The following RBFOX1 variants were observed in gnomAD, a reference collection of about 807,000 sequenced individuals.
RBFOX1 encodes the protein RNA binding fox-1 homolog 1, also known as RNA binding protein fox-1 homolog 1.
RBFOX1 carries 8 observed loss-of-function variants against 57.7 expected under a neutral mutation model. The observed-to-expected ratio is 0.14, with a 90% CI of 0.08 to 0.25. The LOEUF (loss-of-function observed/expected upper bound fraction) is 0.25, where lower values mean the gene tolerates loss of function less well. Among genes scored for constraint, RBFOX1 ranks in the 10% least tolerant of loss-of-function variants. The probability of loss-of-function intolerance (pLI) is 1.00; values close to 1 mark genes in which losing one functional copy is unlikely to be tolerated. For synonymous variants in RBFOX1, 326 were observed against 222.4 expected (o/e 1.47, Z -4.15); for missense variants, 611 against 548.5 (o/e 1.11, Z -1.14).
At chr16:7,179,551 C>T (rs2082293139) in intron 4 of RBFOX1, among the ~76,000 whole-genome samples, 1 of 151,922 alleles carries the variant, frequency 6.6e-6, no homozygotes, top group African/African-American at 2.4e-5. Flanking sequence ...GTTGGCATTT[C>T]CATTTTGTCA....
chr16:6,502,859 C>A (rs950822690), intron 2 of RBFOX1, among the ~76,000 whole-genome samples: 4 of 152,114 alleles, frequency 2.6e-5, no homozygotes, highest in African/African-American at 9.7e-5. Flanking sequence ...CAAATACTAA[C>A]TGGGGTTATG....
intron 3 of RBFOX1, among the ~76,000 whole-genome samples, chr16:6,896,601 C>T (rs533693874): frequency 2.0e-5 from 3 of 152,304 alleles, no homozygotes; most frequent in South Asian, 4.1e-4. Flanking sequence ...GAGAGGATCT[C>T]ATCCTCTGCT....
chr16:7,516,285 T>C (rs905271558), intron 4 of RBFOX1, among the ~76,000 whole-genome samples: 2 of 152,064 alleles, frequency 1.3e-5, no homozygotes, highest in African/African-American at 2.4e-5. Context: ...CTTAACGCAC[T>C]AACGGACTCA....
In RBFOX1 at chr16:6,582,033, T is replaced by C. The variant is rs553035291; in HGVS notation, c.-63-72570T>C. On this transcript the variant is annotated intron_variant, in intron 2 of 15. Transcript: ENST00000550418. ...ATCTAGTGGGAAAAGCCAGGGGTGC[T>C]GTACTGCTGCACATCTAACAAGGCA... Among the ~76,000 whole-genome samples the C allele has an allele frequency of 2.0e-3, 303 of 152,314 alleles. 2 individuals are homozygous for C. Among genetic ancestry groups the C allele is most frequent in the Non-Finnish European group, 3.1e-3 (214 of 68,034 alleles).
At chr16:5,336,713 G>T (rs1692460692) in intron 1 of RBFOX1, among the ~76,000 whole-genome samples, 1 of 152,188 alleles carries the variant, frequency 6.6e-6, no homozygotes, top group African/African-American at 2.4e-5. Context: ...GGGTTTAGTT[G>T]TCTTTAGAAG....
chr16:6,630,251 TCTC>T lies in RBFOX1; in HGVS notation c.-63-24349_-63-24347del, dbSNP rs566850464. Among the ~76,000 whole-genome samples, 4 of 152,242 alleles carry T rather than the reference TCTC, an allele frequency of 2.6e-5. No individual in the cohort carries two copies. In the East Asian group the frequency reaches 7.7e-4, roughly 29 times the overall value. On this transcript the variant is annotated intron_variant, in intron 2 of 15. Transcript: ENST00000550418. ...ATGGAAGATGCTTCTTCATCCTTCT[TCTC>T]CTGCCTTTTTCTCTTCTGCCCACAC...
In RBFOX1 at chr16:5,590,741, G is replaced by A. The variant is rs559906298; in HGVS notation, c.259-8161G>A. ...GGGTTTAATGTTCGCAGATGCTTCAGCTCACACAGATCAGTGGGATTTGCC... is the reference window on the plus strand; with the variant it reads ...GGGTTTAATGTTCGCAGATGCTTCAACTCACACAGATCAGTGGGATTTGCC... On this transcript the variant is annotated intron_variant, in intron 2 of 2. Transcript: ENST00000585867. Among the ~76,000 whole-genome samples, 4 of 152,324 alleles carry A rather than the reference G, an allele frequency of 2.6e-5. No homozygotes were observed. In the South Asian group the frequency reaches 8.3e-4, roughly 32 times the overall value.
At chr16:6,996,129 T>C (rs1016818812) in intron 3 of RBFOX1, among the ~76,000 whole-genome samples, 36 of 152,236 alleles carry the variant, frequency 2.4e-4, no homozygotes, top group African/African-American at 7.7e-4. Flanking sequence ...CATTTTATTG[T>C]ATCCTAATTA....
intron 3 of RBFOX1, among the ~76,000 whole-genome samples, chr16:6,783,931 T>C (rs1239773086): frequency 6.6e-6 from 1 of 152,174 alleles, no homozygotes; most frequent in African/African-American, 2.4e-5. Context: ...GCTTTGAAAG[T>C]CTTTTTGTTC....
intron 3 of RBFOX1, among the ~76,000 whole-genome samples, chr16:6,984,659 T>C (rs1223492107): frequency 6.6e-6 from 1 of 152,098 alleles, no homozygotes; most frequent in Non-Finnish European, 1.5e-5. Context: ...TTTATTATTA[T>C]TTTGAGATGG....
intron 9 of RBFOX1, among the ~76,000 whole-genome samples, chr16:7,599,284 C>G (rs985643009): frequency 4.6e-5 from 7 of 152,256 alleles, no homozygotes; most frequent in African/African-American, 1.7e-4. Flanking sequence ...TGAAGTTGCA[C>G]TGGTGCCCAG....
At chr16:6,382,843 G>A (rs2091938664) in intron 2 of RBFOX1, among the ~76,000 whole-genome samples, 2 of 152,198 alleles carry the variant, frequency 1.3e-5, no homozygotes. Flanking sequence ...CTGGGCAACA[G>A]AGTGAGACTC....
intron 3 of RBFOX1, among the ~76,000 whole-genome samples, chr16:7,010,402 G>A (rs1328839507): frequency 6.6e-6 from 1 of 152,088 alleles, no homozygotes; most frequent in East Asian, 1.9e-4. Context: ...AGATCTTGGT[G>A]ATTATTATAT....
intron 4 of RBFOX1, among the ~76,000 whole-genome samples, chr16:7,140,108 C>G (rs562078665): frequency 6.6e-6 from 1 of 151,412 alleles, no homozygotes; most frequent in Admixed American, 6.6e-5. Context: ...CTCTCTTTCT[C>G]TCTGCATGAA....
intron 4 of RBFOX1, among the ~76,000 whole-genome samples, chr16:7,231,752 A>G (rs913889242): frequency 6.6e-6 from 1 of 152,224 alleles, no homozygotes; most frequent in Non-Finnish European, 1.5e-5. Flanking sequence ...ACATGCTACA[A>G]CGTGGATGGA....
At chr16:6,611,583 G>A (rs1250649844) in intron 2 of RBFOX1, among the ~76,000 whole-genome samples, 1 of 152,184 alleles carries the variant, frequency 6.6e-6, no homozygotes, top group African/African-American at 2.4e-5. Context: ...AGTGAGCATG[G>A]TTTTTCCTAT....
At chr16:6,107,604 G>T (rs1032614338) in intron 1 of RBFOX1, among the ~76,000 whole-genome samples, 1 of 151,970 alleles carries the variant, frequency 6.6e-6, no homozygotes, top group Non-Finnish European at 1.5e-5. Flanking sequence ...TGGATGCACG[G>T]ATGGATGGAT....
Position 5,419,937 on chromosome 16 carries a change from T to A in RBFOX1, c.220-47279T>A, listed in dbSNP as rs567766360. On this transcript the variant is annotated intron_variant, in intron 1 of 2. Coordinates refer to the RBFOX1 transcript ENST00000585867. ...CAGCCACAAGGAAAAGCAGCCCATG[T>A]GAGCTTGGAGGCAGGGTCTTTGCTG... Among the ~76,000 whole-genome samples the A allele has an allele frequency of 7.2e-5, 11 of 152,228 alleles. 1 individual carries two copies. The South Asian group carries it at 8.3e-4, about 11-fold the overall frequency.
At chr16:7,164,653 AAC>A (rs1369528255) in intron 4 of RBFOX1, among the ~76,000 whole-genome samples, 1 of 152,206 alleles carries the variant, frequency 6.6e-6, no homozygotes, top group African/African-American at 2.4e-5. Context: ...CACAAATACA[AAC>A]ACACACAATG....
Sources: allele counts gnomAD v4.1 joint callset (sites outside exome capture counted in the v4.1 genomes callset), GRCh38; gene constraint gnomAD v4.1.1; transcripts MANE v1.5; gene names NCBI Gene and HGNC (gene_info 2026-07-23, HGNC 2026-07-21).